The following FGGY variants were observed in gnomAD, a reference collection of about 807,000 sequenced individuals.
FGGY encodes FGGY carbohydrate kinase domain-containing protein.
Under a neutral mutation model 71.3 loss-of-function variants are expected in FGGY, and 72 were observed. The ratio of observed to expected loss-of-function variants is 1.01; its 90% CI spans 0.84 to 1.23. The LOEUF (loss-of-function observed/expected upper bound fraction) is 1.23. Among genes scored for constraint, FGGY ranks in the 50% most tolerant of loss-of-function variants. The probability of loss-of-function intolerance (pLI) is 0.00; values close to 1 mark genes in which losing one functional copy is unlikely to be tolerated. For missense variants in FGGY, 668 were observed against 682.3 expected, an observed-to-expected ratio of 0.98 and a Z score of 0.23; for synonymous variants, 251 against 250.3, an observed-to-expected ratio of 1.00 and a Z score of -0.02.
intron 5 of FGGY, among the ~76,000 whole-genome samples, chr1:59,410,441 G>C (rs764462878): frequency 8.5e-5 from 13 of 152,268 alleles, no homozygotes; most frequent in Non-Finnish European, 1.5e-4. Flanking sequence ...GGAGGAGTGA[G>C]GATTTGAACC....
rs1464757698 is a variant in FGGY at position 59,671,825 on chromosome 1, AGC to A, written c.1418-2213_1418-2212del. On this transcript the variant is annotated intron_variant, in intron 13 of 15. Transcript: ENST00000303721. ...TTAGGTATCTTGCCTAGGATCACAC[AGC>A]TAAGTCAGTGGGGAAGCCAGGATTC... is the stretch of plus-strand genomic sequence containing the variant. 6.6e-5 allele frequency among the ~76,000 whole-genome samples: 10 copies of A among 152,284 alleles called. No individual in the cohort carries two copies. The East Asian group carries it at 1.9e-3, about 29-fold the overall frequency.
At chr1:59,376,377 C>A (rs907163775) in intron 4 of FGGY, among the ~76,000 whole-genome samples, 13 of 152,152 alleles carry the variant, frequency 8.5e-5, no homozygotes, top group African/African-American at 3.1e-4. Context: ...GATCTGAACT[C>A]TTTTGATATT....
intron 1 of FGGY, among the ~76,000 whole-genome samples, chr1:59,319,157 T>A (rs920958093): frequency 2.0e-5 from 3 of 152,214 alleles, no homozygotes; most frequent in Non-Finnish European, 4.4e-5. Flanking sequence ...ATGATACCAA[T>A]TAATTGTAAC....
At chr1:59,609,520 A>C (rs868249865) in intron 9 of FGGY, among the ~76,000 whole-genome samples, 48 of 152,222 alleles carry the variant, frequency 3.2e-4, no homozygotes, top group African/African-American at 1.1e-3. Flanking sequence ...AATTGAGGTC[A>C]AGAGATTGGC....
At chr1:59,530,324 T>C (rs1295076315) in intron 7 of FGGY, among the ~76,000 whole-genome samples, 1 of 152,338 alleles carries the variant, frequency 6.6e-6, no homozygotes, top group East Asian at 1.9e-4. Flanking sequence ...TAGCTGACTA[T>C]GCAAAAATAT....
chr1:59,679,330 A>G (rs1057288968), intron 14 of FGGY, among the ~76,000 whole-genome samples: 11 of 150,986 alleles, frequency 7.3e-5, no homozygotes, highest in Non-Finnish European at 1.0e-4. Context: ...TTTTAGCTCT[A>G]TTTGGCTTTC....
chr1:59,582,964 G>GGATCCAAAGGAGC (rs1553309522), intron 8 of FGGY, among the ~76,000 whole-genome samples: 16 of 145,536 alleles, frequency 1.1e-4, no homozygotes, highest in South Asian at 4.8e-4. Context: ...ATCCAAAGGA[G>GGATCCAAAGGAGC]TTTACCATTT....
intron 2 of FGGY, among the ~76,000 whole-genome samples, chr1:59,325,951 G>A (rs568852855): frequency 1.3e-5 from 2 of 152,312 alleles, no homozygotes; most frequent in South Asian, 4.1e-4. Flanking sequence ...AGGTTTTATG[G>A]AAACTCACAA....
intron 14 of FGGY, among the ~76,000 whole-genome samples, chr1:59,715,884 T>C (rs12132628): frequency 0.15 from 23,194 of 152,198 alleles, 2,143 homozygotes; most frequent in Admixed American, 0.29. Flanking sequence ...AAAATAAAGT[T>C]ATATTGAGAC....
At chr1:59,485,730 C>T (rs567467340) in intron 6 of FGGY, among the ~76,000 whole-genome samples, 2 of 152,250 alleles carry the variant, frequency 1.3e-5, no homozygotes, top group East Asian at 3.9e-4. Flanking sequence ...TTATTGAGCA[C>T]CTACTATTTA....
intron 7 of FGGY, among the ~76,000 whole-genome samples, chr1:59,548,992 A>C (rs2095567606): frequency 6.6e-6 from 1 of 152,246 alleles, no homozygotes; most frequent in Non-Finnish European, 1.5e-5. Flanking sequence ...ATTTTTAAGC[A>C]CTGTGCCATA....
At chr1:59,366,519 T>C (rs977631257) in intron 4 of FGGY, among the ~76,000 whole-genome samples, 1 of 152,162 alleles carries the variant, frequency 6.6e-6, no homozygotes, top group Non-Finnish European at 1.5e-5. Context: ...GGCAGATATA[T>C]GGCCACACAC....
intron 2 of FGGY, among the ~76,000 whole-genome samples, chr1:59,332,536 G>A (rs1344281716): frequency 6.6e-6 from 1 of 152,126 alleles, no homozygotes; most frequent in East Asian, 1.9e-4. Flanking sequence ...ATGATCATAA[G>A]GCATTTCCTT....
intron 14 of FGGY, among the ~76,000 whole-genome samples, chr1:59,694,565 A>G (rs922133837): frequency 6.6e-6 from 1 of 152,142 alleles, no homozygotes; most frequent in Non-Finnish European, 1.5e-5. Flanking sequence ...ACCATGAGAA[A>G]TATTTTCTCA....
intron 14 of FGGY, among the ~76,000 whole-genome samples, chr1:59,700,456 A>G (rs764790851): frequency 2.6e-5 from 4 of 152,198 alleles, no homozygotes; most frequent in African/African-American, 9.6e-5. Flanking sequence ...CTGTGTTCCA[A>G]CAAGGAAACT....
intron 5 of FGGY, among the ~76,000 whole-genome samples, chr1:59,413,221 T>G (rs2063861541): frequency 6.6e-6 from 1 of 152,218 alleles, no homozygotes; most frequent in Non-Finnish European, 1.5e-5. Context: ...ATAATAGTGA[T>G]GTCAGTGTAC....
At chr1:59,303,385 C>G (rs570217985) in intron 1 of FGGY, among the ~76,000 whole-genome samples, 55 of 152,148 alleles carry the variant, frequency 3.6e-4, no homozygotes, top group African/African-American at 1.3e-3. Flanking sequence ...TGGCTTATTT[C>G]AATAGGATGT....
intron 9 of FGGY, among the ~76,000 whole-genome samples, chr1:59,612,452 A>AT (rs2096696208): frequency 6.6e-6 from 1 of 152,080 alleles, no homozygotes; most frequent in African/African-American, 2.4e-5. Flanking sequence ...ATACTGAGAG[A>AT]TTTTGTCACC....
At chr1:59,611,277 T>A (rs2096674763) in intron 9 of FGGY, among the ~76,000 whole-genome samples, 1 of 152,198 alleles carries the variant, frequency 6.6e-6, no homozygotes, top group Non-Finnish European at 1.5e-5. Flanking sequence ...AGGGGCCGAC[T>A]GACACCTCAT....
Sources: allele counts gnomAD v4.1 joint callset (sites outside exome capture counted in the v4.1 genomes callset), GRCh38; gene constraint gnomAD v4.1.1; transcripts MANE v1.5; gene names NCBI Gene and HGNC (gene_info 2026-07-23, HGNC 2026-07-21).